Variants in RBMS3 observed in about 807,000 individuals in gnomAD.
RBMS3 encodes the protein RNA binding motif single stranded interacting protein 3, also known as RNA-binding motif, single-stranded-interacting protein 3.
A neutral mutation model predicts 66.8 loss-of-function variants in RBMS3; 27 were observed. The observed-to-expected ratio is 0.40, with a 90% CI of 0.30 to 0.56. The LOEUF (loss-of-function observed/expected upper bound fraction) is 0.56. Ranked by LOEUF, RBMS3 falls within the 20% of genes least tolerant of loss-of-function variation. The probability of loss-of-function intolerance (pLI) is 0.40; values close to 1 mark genes in which losing one functional copy is unlikely to be tolerated. For synonymous variants in RBMS3, 188 were observed against 183.0 expected (o/e 1.03, Z -0.22); for missense variants, 513 against 549.5 (o/e 0.93, Z 0.66).
chr3:29,880,771 TGCCAAAG>T, intron 7 of RBMS3: 3 of 1,535,766 alleles, frequency 2.0e-6, no homozygotes, highest in Non-Finnish European at 2.6e-6. Context: ...TGTCTCCTCT[TGCCAAAG>T]GTACTCAGAG....
chr3:29,718,770 G>A (rs2053517564), intron 4 of RBMS3, among the ~76,000 whole-genome samples: 1 of 152,170 alleles, frequency 6.6e-6, no homozygotes, highest in South Asian at 2.1e-4. Context: ...GTAGGCCAAG[G>A]AGATGTGCTG....
intron 1 of RBMS3, among the ~76,000 whole-genome samples, chr3:29,283,612 G>A (rs537883326): frequency 9.9e-5 from 15 of 152,234 alleles, no homozygotes; most frequent in Admixed American, 6.5e-5. Context: ...TCTGGATCTT[G>A]TTACTCTCAA....
intron 4 of RBMS3, among the ~76,000 whole-genome samples, chr3:29,691,792 G>A (rs940435684): frequency 1.3e-5 from 2 of 151,842 alleles, no homozygotes; most frequent in Non-Finnish European, 1.5e-5. Context: ...TAAATAGCAC[G>A]TTTCTTCCTC....
intron 3 of RBMS3, among the ~76,000 whole-genome samples, chr3:29,505,060 A>T (rs900122202): frequency 2.0e-5 from 3 of 151,888 alleles, no homozygotes; most frequent in Admixed American, 1.3e-4. Flanking sequence ...TTTCAGTTTG[A>T]TGTAGTCCCA....
At chr3:30,001,744 C>T (rs971858685) in intron 14 of RBMS3, among the ~76,000 whole-genome samples, 7 of 151,622 alleles carry the variant, frequency 4.6e-5, no homozygotes, top group African/African-American at 1.7e-4. Context: ...TATTTCTTCA[C>T]ATGAATTCCT....
intron 3 of RBMS3, among the ~76,000 whole-genome samples, chr3:29,541,778 C>T (rs2045770780): frequency 6.6e-6 from 1 of 152,276 alleles, no homozygotes; most frequent in Middle Eastern, 3.4e-3. Flanking sequence ...TCCCCCACCT[C>T]CTCTGCCCCT....
intron 2 of RBMS3, among the ~76,000 whole-genome samples, chr3:29,476,121 A>G (rs1188861409): frequency 6.6e-6 from 1 of 152,182 alleles, no homozygotes; most frequent in African/African-American, 2.4e-5. Flanking sequence ...TAAGGCAAAC[A>G]AGTGAACCAG....
At chr3:29,966,921 A>G (rs1211756988) in intron 12 of RBMS3, among the ~76,000 whole-genome samples, 1 of 152,116 alleles carries the variant, frequency 6.6e-6, no homozygotes. Context: ...GATTTTGTCA[A>G]ATGCTTTTTC....
chr3:29,357,750 G>A (rs1393834368), intron 1 of RBMS3, among the ~76,000 whole-genome samples: 3 of 152,146 alleles, frequency 2.0e-5, no homozygotes, highest in Non-Finnish European at 4.4e-5. Context: ...TCTAATTGAT[G>A]TGAGATGATA....
At chr3:29,840,181 C>A (rs2058627092) in intron 6 of RBMS3, among the ~76,000 whole-genome samples, 1 of 151,960 alleles carries the variant, frequency 6.6e-6, no homozygotes, top group African/African-American at 2.4e-5. Flanking sequence ...TTTTTGTTCT[C>A]AGGTCTCCTT....
chr3:29,966,681 A>G (rs1209436026), intron 12 of RBMS3, among the ~76,000 whole-genome samples: 1 of 151,986 alleles, frequency 6.6e-6, no homozygotes, highest in African/African-American at 2.4e-5. Flanking sequence ...GATGCCCTTT[A>G]TTTATTTCTC....
intron 2 of RBMS3, among the ~76,000 whole-genome samples, chr3:29,470,694 T>A (rs2042694389): frequency 6.6e-6 from 1 of 152,100 alleles, no homozygotes; most frequent in Admixed American, 6.5e-5. Flanking sequence ...TGCATTAGTT[T>A]GAAGTTTATT....
intron 12 of RBMS3, among the ~76,000 whole-genome samples, chr3:29,978,305 C>T (rs1697731793): frequency 6.6e-6 from 1 of 152,040 alleles, no homozygotes; most frequent in South Asian, 2.1e-4. Flanking sequence ...GTATGTCTAC[C>T]ACAGAAGAAC....
At chr3:29,713,422 C>T (rs1293448171) in intron 4 of RBMS3, among the ~76,000 whole-genome samples, 1 of 152,098 alleles carries the variant, frequency 6.6e-6, no homozygotes, top group Admixed American at 6.6e-5. Context: ...CTACAGGTAG[C>T]CTAGTACCTG....
intron 1 of RBMS3, among the ~76,000 whole-genome samples, chr3:29,352,382 T>A (rs772580848): frequency 2.0e-5 from 3 of 152,056 alleles, no homozygotes; most frequent in Non-Finnish European, 4.4e-5. Context: ...TATTTTATGG[T>A]ATGTGGTTGA....
At chr3:29,944,296 G>A in intron 12 of RBMS3, 42 bp downstream of exon 12, 1 of 1,507,632 alleles carries the variant, frequency 6.6e-7, no homozygotes, top group Non-Finnish European at 9.2e-7. Context: ...TTGGAGGGGA[G>A]AGATGGAGGT....
intron 4 of RBMS3, among the ~76,000 whole-genome samples, chr3:29,651,765 G>A (rs758689450): frequency 3.9e-5 from 6 of 152,070 alleles, no homozygotes; most frequent in Non-Finnish European, 7.4e-5. Flanking sequence ...GCAAATAGCT[G>A]AATGATTTAC....
At chr3:29,537,865 G>A (rs1389221307) in intron 3 of RBMS3, among the ~76,000 whole-genome samples, 1 of 149,798 alleles carries the variant, frequency 6.7e-6, no homozygotes, top group Non-Finnish European at 1.5e-5. Flanking sequence ...AATTTGCCCC[G>A]ATACCATGAC....
chr3:29,466,192 A>G (rs901438931), intron 2 of RBMS3, among the ~76,000 whole-genome samples: 1 of 151,960 alleles, frequency 6.6e-6, no homozygotes, highest in Non-Finnish European at 1.5e-5. Context: ...CTGCACACCA[A>G]TGCCAATTAA....
Sources: allele counts gnomAD v4.1 joint callset (sites outside exome capture counted in the v4.1 genomes callset), GRCh38; gene constraint gnomAD v4.1.1; transcripts MANE v1.5; gene names NCBI Gene and HGNC (gene_info 2026-07-23, HGNC 2026-07-21).